SYT17: variants seen among roughly 807,000 people sequenced by gnomAD.
SYT17 encodes synaptotagmin 17, also known as synaptotagmin-17.
SYT17 carries 22 observed loss-of-function variants against 46.7 expected under a neutral mutation model. That is an observed-to-expected ratio of 0.47 (90% CI 0.34 to 0.67). The LOEUF is 0.67. Among genes scored for constraint, SYT17 ranks in the 30% least tolerant of loss-of-function variants. The pLI, the probability that SYT17 is intolerant of heterozygous loss-of-function variation, is 0.01. For missense variants in SYT17, 519 were observed against 612.8 expected (o/e 0.85, Z 1.62); for synonymous variants, 251 against 248.4 (o/e 1.01, Z -0.10).
Position 19,172,747 on chromosome 16 carries a change from C to G in SYT17, c.16-13C>G. The stretch of plus-strand genomic sequence containing the variant: ...TTACGCCCTTGGCTTCATCGTGGAT[C>G]TTAAAAGGGCAGTTGGAACCATTAA... On this transcript the variant is annotated splice_polypyrimidine_tract_variant and intron_variant, in intron 1 of 7. Coordinates refer to ENST00000355377, the MANE Select transcript of SYT17 (RefSeq NM_016524.4). 1 of 1,612,880 alleles carries G rather than the reference C, an allele frequency of 6.2e-7. No individual in the cohort carries two copies. Among genetic ancestry groups the G allele is most frequent in the Non-Finnish European group, 8.5e-7 (1 of 1,179,938 alleles).
At chr16:19,216,367 C>T (rs1323920748) in intron 5 of SYT17, among the ~76,000 whole-genome samples, 2 of 142,510 alleles carry the variant, frequency 1.4e-5, no homozygotes, top group African/African-American at 5.5e-5. Context: ...ATACTTGAGC[C>T]CTACAATTAT....
chr16:19,176,383 G>T (rs1964314960), intron 3 of SYT17, among the ~76,000 whole-genome samples: 2 of 152,172 alleles, frequency 1.3e-5, no homozygotes, highest in Non-Finnish European at 2.9e-5. Flanking sequence ...CCAGGGAGAT[G>T]GTCATTTCCA....
intron 7 of SYT17, among the ~76,000 whole-genome samples, chr16:19,229,595 G>C (rs1320602440): frequency 1.3e-5 from 2 of 152,104 alleles, no homozygotes; most frequent in Admixed American, 1.3e-4. Flanking sequence ...ATTTGGGTGG[G>C]GACACAGAGG....
At chr16:19,192,608 A>C (rs1204567190) in intron 5 of SYT17, among the ~76,000 whole-genome samples, 1 of 152,144 alleles carries the variant, frequency 6.6e-6, no homozygotes, top group Non-Finnish European at 1.5e-5. Flanking sequence ...TGAGGAGCAA[A>C]AGACAAGAAG....
At chr16:19,205,001 C>G (rs1424830672) in intron 5 of SYT17, among the ~76,000 whole-genome samples, 1 of 152,176 alleles carries the variant, frequency 6.6e-6, no homozygotes, top group Non-Finnish European at 1.5e-5. Flanking sequence ...CCTTCAAACC[C>G]TTCTACTCCT....
intron 1 of SYT17, chr16:19,170,331 A>G (rs369279143): frequency 2.0e-5 from 3 of 152,154 alleles, no homozygotes; most frequent in East Asian, 3.9e-4. Flanking sequence ...ACCTTTTAAA[A>G]ACTCACAAAT....
chr16:19,230,314 G>A (rs1388097277), intron 7 of SYT17, among the ~76,000 whole-genome samples: 1 of 151,890 alleles, frequency 6.6e-6, no homozygotes, highest in East Asian at 1.9e-4. Context: ...GGCTGAGGTA[G>A]GAGAATCACT....
At chr16:19,232,889 C>T (rs941901001) in intron 7 of SYT17, among the ~76,000 whole-genome samples, 4 of 152,092 alleles carry the variant, frequency 2.6e-5, no homozygotes, top group African/African-American at 9.7e-5. Flanking sequence ...GGTCCCTACC[C>T]CTGCACATTG....
intron 3 of SYT17, among the ~76,000 whole-genome samples, chr16:19,175,683 A>G (rs1046910968): frequency 2.7e-4 from 41 of 149,272 alleles, no homozygotes; most frequent in African/African-American, 5.9e-4. Context: ...CTACTGGTCT[A>G]TGTAGCAGAA....
intron 3 of SYT17, among the ~76,000 whole-genome samples, chr16:19,174,797 T>G (rs767179670): frequency 7.1e-6 from 1 of 140,550 alleles, no homozygotes; most frequent in South Asian, 2.2e-4. Flanking sequence ...TTAGGAATGC[T>G]TGATACTTTG....
intron 5 of SYT17, among the ~76,000 whole-genome samples, chr16:19,221,205 AAAAG>A (rs1407792591): frequency 6.7e-6 from 1 of 150,092 alleles, no homozygotes; most frequent in African/African-American, 2.5e-5. Flanking sequence ...AAAAAAAAAA[AAAAG>A]AGAGAGAGAG....
At chr16:19,266,119 TTAAC>T (rs1201902565) in intron 7 of SYT17, among the ~76,000 whole-genome samples, 3 of 152,218 alleles carry the variant, frequency 2.0e-5, no homozygotes, top group Admixed American at 6.5e-5. Flanking sequence ...AAATTCCTGT[TTAAC>T]TAATAAAGAA....
rs758757451 is a variant in SYT17, at chr16:19,266,923, G to A, written c.1272G>A (p.Arg424=). 3 of 1,613,422 alleles carry A rather than the reference G, an allele frequency of 1.9e-6. No individual in the cohort carries two copies. The highest frequency in any genetic ancestry group is 2.5e-6 in the Non-Finnish European group (3 of 1,179,942). ...AGAGCAGCAATGACTTCATCGGGAGGATCGTCATTGGCCAGTACTCTTCAG... is the reference window on the plus strand; with the variant it reads ...AGAGCAGCAATGACTTCATCGGGAGAATCGTCATTGGCCAGTACTCTTCAG... ...NMKSSNDFIG[R]IVIGQYSSGP... The change falls in exon 8 of 8, where the codon AGG becomes AGA. Residue 424 remains arginine (R), a synonymous_variant. Coordinates refer to ENST00000355377, the MANE Select transcript of SYT17 (RefSeq NM_016524.4).
At chr16:19,185,769 G>A (rs887840390) in intron 5 of SYT17, among the ~76,000 whole-genome samples, 9 of 152,172 alleles carry the variant, frequency 5.9e-5, no homozygotes, top group Admixed American at 2.6e-4. Context: ...ACACCACCTC[G>A]CAGCGAGGGC....
At chr16:19,211,786 C>T (rs1473213730) in intron 5 of SYT17, among the ~76,000 whole-genome samples, 2 of 151,898 alleles carry the variant, frequency 1.3e-5, no homozygotes, top group African/African-American at 2.4e-5. Context: ...CCACCAAGCC[C>T]GGCTAATATT....
intron 3 of SYT17, 42 bp from the exon 4 acceptor site, chr16:19,180,349 G>T (rs897859419): frequency 6.2e-7 from 1 of 1,606,552 alleles, no homozygotes; most frequent in Non-Finnish European, 8.5e-7. Context: ...CCAGTCCCCG[G>T]GGATTCCTGG....
At chr16:19,239,153 C>T (rs139794179) in intron 7 of SYT17, among the ~76,000 whole-genome samples, 35 of 152,114 alleles carry the variant, frequency 2.3e-4, no homozygotes, top group Non-Finnish European at 4.4e-4. Flanking sequence ...CATATGGTGG[C>T]GTGTGGCTGT....
At position 19,183,897 on chromosome 16, in the gene SYT17, G is replaced by A; in HGVS notation, c.701G>A (p.Cys234Tyr). ...CACTCCAACCCCTACGTCAAGATCT[G>A]TCTCCTGCCAGACCAGAAGAACTCA... is the stretch of plus-strand genomic sequence containing the variant. ...MAHSNPYVKI[C>Y]LLPDQKNSKQ... The change falls in exon 5 of 8, where the codon TGT becomes TAT. Residue 234 changes from cysteine to tyrosine, a missense_variant. Transcript: ENST00000355377. The surrounding 1 kb of genome is among the most constrained non-coding windows in gnomAD (Gnocchi z 5.6). 6.2e-7 allele frequency: 1 copy of A among 1,614,194 alleles called. No individual in the cohort carries two copies. Among genetic ancestry groups the A allele is most frequent in the South Asian group, 1.1e-5 (1 of 91,088 alleles).
At chr16:19,248,360 A>T (rs1967743584) in intron 7 of SYT17, among the ~76,000 whole-genome samples, 1 of 152,224 alleles carries the variant, frequency 6.6e-6, no homozygotes, top group South Asian at 2.1e-4. Flanking sequence ...CCCATGAATT[A>T]TACTCCTAGG....
Sources: gnomAD v4.1 joint callset for allele counts (sites outside exome capture counted in the v4.1 genomes callset) on GRCh38, gnomAD v4.1.1 for gene constraint, Gnocchi (gnomAD v3.1) non-coding constraint, MANE v1.5 for transcripts, NCBI Gene and HGNC (gene_info 2026-07-23, HGNC 2026-07-21) for gene names.